CDH2: variants seen among roughly 807,000 people sequenced by gnomAD.
The protein encoded by CDH2 is cadherin 2, also known as cadherin-2.
A neutral mutation model predicts 92.0 loss-of-function variants in CDH2; 17 were observed. That is an observed-to-expected ratio of 0.18 (90% CI 0.13 to 0.28). The LOEUF (loss-of-function observed/expected upper bound fraction) is 0.28. Ranked by LOEUF, CDH2 falls within the 10% of genes least tolerant of loss-of-function variation. The pLI, the probability that CDH2 is intolerant of heterozygous loss-of-function variation, is 1.00. For synonymous variants in CDH2, 419 were observed against 415.9 expected, an observed-to-expected ratio of 1.01 and a Z score of -0.09; for missense variants, 862 against 1,133.1, an observed-to-expected ratio of 0.76 and a Z score of 3.44.
chr18:28,161,117 C>T (rs1043092585), intron 1 of CDH2, among the ~76,000 whole-genome samples: 1 of 152,168 alleles, frequency 6.6e-6, no homozygotes. Context: ...TTTCTCTGCC[C>T]ACTATCAGTC....
rs941938658 is a variant in CDH2 at position 27,963,269 on chromosome 18, T to C, written c.2514+88A>G. ...AGTATGTTTTAGTGAACTATATAGC[T>C]GTATTCCAAGCAATTTGTGGCCTAC... On this transcript the variant is annotated intron_variant, in intron 15 of 15. Coordinates refer to ENST00000269141, the MANE Select transcript of CDH2 (RefSeq NM_001792.5). 7 of 1,227,626 alleles carry C rather than the reference T, an allele frequency of 5.7e-6. No individual in the cohort carries two copies. The African/African-American group carries it at 5.9e-5, about 10-fold the overall frequency. The allele number at this position is 1,227,626 out of a possible 1,614,324, so 76.0% of individuals were successfully genotyped here.
intron 1 of CDH2, among the ~76,000 whole-genome samples, chr18:28,151,370 TTC>T (rs1197384671): frequency 4.6e-5 from 7 of 152,188 alleles, no homozygotes; most frequent in African/African-American, 1.7e-4. Flanking sequence ...TTCTGGCATT[TTC>T]TCTTTTTCAT....
Position 27,977,346 on chromosome 18 carries a change from C to T in CDH2, c.2349+5598G>A, listed in dbSNP as rs376707339. On this transcript the variant is annotated intron_variant, in intron 14 of 15. Transcript: ENST00000269141. The stretch of plus-strand genomic sequence containing the variant: ...ATACACAAGGTAAGAAAAAAGATAT[C>T]GGAGTAGTTGTTTCTTTTTTTTTCT... Among the ~76,000 whole-genome samples, 24 of 152,196 alleles carry T rather than the reference C, an allele frequency of 1.6e-4. No homozygotes were observed. In the East Asian group the frequency reaches 2.3e-3, roughly 15 times the overall value.
intron 9 of CDH2, among the ~76,000 whole-genome samples, chr18:27,991,347 A>G (rs1004378681): frequency 1.3e-5 from 2 of 152,212 alleles, no homozygotes; most frequent in Non-Finnish European, 2.9e-5. Flanking sequence ...TTCGTACCCT[A>G]GACCACCTTT....
At chr18:27,977,576 T>A (rs1317820531) in intron 14 of CDH2, among the ~76,000 whole-genome samples, 3 of 152,110 alleles carry the variant, frequency 2.0e-5, no homozygotes, top group African/African-American at 7.2e-5. Flanking sequence ...GCAGGAAGAA[T>A]AGGAATCTCA....
At chr18:28,166,166 ATATATATG>A (rs1339380950) in intron 1 of CDH2, among the ~76,000 whole-genome samples, 3 of 137,968 alleles carry the variant, frequency 2.2e-5, no homozygotes, top group South Asian at 2.3e-4. Flanking sequence ...ATATATATAT[ATATATATG>A]TCTGTATTTT....
intron 1 of CDH2, among the ~76,000 whole-genome samples, chr18:28,151,137 C>A (rs1242306511): frequency 6.6e-6 from 1 of 152,220 alleles, no homozygotes; most frequent in Non-Finnish European, 1.5e-5. Context: ...TGAGCAGAAT[C>A]CCCTTAGGGG....
At chr18:28,000,723 G>A (rs1002395415) in intron 7 of CDH2, among the ~76,000 whole-genome samples, 3 of 152,122 alleles carry the variant, frequency 2.0e-5, no homozygotes, top group Non-Finnish European at 4.4e-5. Context: ...GTCTGGAGAA[G>A]CTGAAGAATT....
chr18:28,110,750 CA>C (rs980231932), intron 2 of CDH2, among the ~76,000 whole-genome samples: 2 of 152,060 alleles, frequency 1.3e-5, no homozygotes, highest in African/African-American at 4.8e-5. Flanking sequence ...AACAAGAATT[CA>C]AATGAAAAAG....
intron 2 of CDH2, among the ~76,000 whole-genome samples, chr18:28,058,877 G>A (rs1200956206): frequency 1.3e-5 from 2 of 152,178 alleles, no homozygotes; most frequent in African/African-American, 2.4e-5. Context: ...GCAGTTGCTA[G>A]TATTTTTTGT....
At chr18:28,125,698 C>A (rs1162665046) in intron 2 of CDH2, among the ~76,000 whole-genome samples, 3 of 152,206 alleles carry the variant, frequency 2.0e-5, no homozygotes, top group Non-Finnish European at 4.4e-5. Flanking sequence ...TTGTTCTAAG[C>A]ACTTTATAAT....
chr18:28,106,792 T>C (rs2015330602), intron 2 of CDH2, among the ~76,000 whole-genome samples: 1 of 152,212 alleles, frequency 6.6e-6, no homozygotes, highest in South Asian at 2.1e-4. Context: ...AATTTCAGTT[T>C]AGCATCTCTA....
intron 14 of CDH2, among the ~76,000 whole-genome samples, chr18:27,975,250 A>T (rs1464053157): frequency 2.6e-5 from 4 of 152,180 alleles, no homozygotes; most frequent in African/African-American, 9.7e-5. Flanking sequence ...AAGGGCCAAG[A>T]ACCCAAGAGT....
chr18:28,024,473 TTAAAA>T (rs2013497188), intron 2 of CDH2, among the ~76,000 whole-genome samples: 1 of 149,980 alleles, frequency 6.7e-6, no homozygotes, highest in Admixed American at 6.7e-5. Flanking sequence ...GTATATGTAT[TTAAAA>T]TATATAGTTA....
intron 2 of CDH2, among the ~76,000 whole-genome samples, chr18:28,085,153 C>A (rs988305509): frequency 6.6e-6 from 1 of 152,142 alleles, no homozygotes; most frequent in Non-Finnish European, 1.5e-5. Flanking sequence ...TCAGTCCTTT[C>A]CTTTTTTCAA....
intron 5 of CDH2, among the ~76,000 whole-genome samples, chr18:28,007,175 T>A (rs941999375): frequency 4.3e-4 from 58 of 134,504 alleles, no homozygotes; most frequent in African/African-American, 1.4e-3. Flanking sequence ...AATATATATA[T>A]ATATATATAT....
chr18:28,166,442 T>G (rs2016386671), intron 1 of CDH2, among the ~76,000 whole-genome samples: 1 of 151,918 alleles, frequency 6.6e-6, no homozygotes, highest in Admixed American at 6.6e-5. Context: ...TTAACTCAGT[T>G]TCATTTACAA....
chr18:28,154,506 G>C (rs558719460), intron 1 of CDH2, among the ~76,000 whole-genome samples: 1 of 152,356 alleles, frequency 6.6e-6, no homozygotes, highest in African/African-American at 2.4e-5. Context: ...GAGGACAGAA[G>C]TGTAATAGGA....
chr18:28,091,543 C>A (rs919729150), intron 2 of CDH2, among the ~76,000 whole-genome samples: 13 of 152,152 alleles, frequency 8.5e-5, no homozygotes, highest in Non-Finnish European at 1.5e-5. Context: ...GGGAATAAAG[C>A]AGTTAATTCT....
Sources: gnomAD v4.1 joint callset for allele counts (sites outside exome capture counted in the v4.1 genomes callset) on GRCh38, gnomAD v4.1.1 for gene constraint, MANE v1.5 for transcripts, NCBI Gene and HGNC (gene_info 2026-07-23, HGNC 2026-07-21) for gene names.